MTHFSD: variants seen among roughly 807,000 people sequenced by gnomAD.
MTHFSD encodes methenyltetrahydrofolate synthase domain-containing protein.
A neutral mutation model predicts 31.1 loss-of-function variants in MTHFSD; 37 were observed. That is an observed-to-expected ratio of 1.19 (90% CI 0.91 to 1.56). The LOEUF is 1.56. Among genes scored for constraint, MTHFSD ranks in the 40% most tolerant of loss-of-function variants. MTHFSD has a pLI of 0.00. For synonymous variants in MTHFSD, 221 were observed against 206.9 expected, an observed-to-expected ratio of 1.07 and a Z score of -0.59; for missense variants, 664 against 510.1, an observed-to-expected ratio of 1.30 and a Z score of -2.91.
At chr16:86,539,506 C>T (rs920647027) in intron 7 of MTHFSD, among the ~76,000 whole-genome samples, 27 of 152,208 alleles carry the variant, frequency 1.8e-4, no homozygotes, top group African/African-American at 6.0e-4. Context: ...CTAAGACAAA[C>T]GAGAGGGCTT....
intron 3 of MTHFSD, among the ~76,000 whole-genome samples, chr16:86,549,637 C>A (rs1435398244): frequency 6.6e-6 from 1 of 152,206 alleles, no homozygotes; most frequent in Non-Finnish European, 1.5e-5. Context: ...GGATCTCAGC[C>A]TTTAGTGTGC....
Position 86,531,893 on chromosome 16 carries a change from A to G in MTHFSD, c.*118T>C. Reference sequence around the variant, plus strand: ...TTCTGAGAAGAATTGAGACCCGAGCAGCTCAGGCGGTGGCTCCGACACGTC... The same window carrying G: ...TTCTGAGAAGAATTGAGACCCGAGCGGCTCAGGCGGTGGCTCCGACACGTC... On this transcript the variant is annotated 3_prime_UTR_variant, in exon 8 of 8. Transcript: ENST00000360900. This position sits in a 1 kb window ranked among gnomAD's most constrained non-coding sequence, Gnocchi z 5.5. 1 of 611,520 alleles carries G rather than the reference A, an allele frequency of 1.6e-6. No individual in the cohort carries two copies. Among genetic ancestry groups the G allele is most frequent in the Non-Finnish European group, 2.6e-6 (1 of 390,574 alleles). The allele number at this position is 611,520 out of a possible 1,614,324, so 37.9% of individuals were successfully genotyped here.
At chr16:86,539,549 T>C (rs551618793) in intron 7 of MTHFSD, among the ~76,000 whole-genome samples, 2 of 152,322 alleles carry the variant, frequency 1.3e-5, no homozygotes, top group South Asian at 2.1e-4. Context: ...GATAGAGCTA[T>C]GAAGTGGGAA....
chr16:86,549,874 G>A (rs946733192), intron 3 of MTHFSD, among the ~76,000 whole-genome samples: 1 of 152,260 alleles, frequency 6.6e-6, no homozygotes, highest in Admixed American at 6.5e-5. Flanking sequence ...CACAGGTCTG[G>A]GGTTGGGCCT....
intron 7 of MTHFSD, 65 bp from the exon 8 acceptor site, chr16:86,532,546 A>G (rs1970114327): frequency 2.0e-5 from 26 of 1,271,140 alleles, no homozygotes; most frequent in Non-Finnish European, 1.0e-6. Flanking sequence ...CCACACACGC[A>G]TCCACACCTC....
chr16:86,542,066 G>T lies in MTHFSD; in HGVS notation c.555+35C>A. Reference sequence around the variant, plus strand: ...CCCCCTGCTCCCTCAGAAGAGAATGGCAGTGGCTCTGCTCAGCCCATTCAT... The same window carrying T: ...CCCCCTGCTCCCTCAGAAGAGAATGTCAGTGGCTCTGCTCAGCCCATTCAT... On this transcript the variant is annotated intron_variant, in intron 6 of 7. Coordinates refer to ENST00000360900, the MANE Select transcript of MTHFSD (RefSeq NM_001159377.2). This position sits in a 1 kb window ranked among gnomAD's most constrained non-coding sequence, Gnocchi z 4.6. The T allele has an allele frequency of 1.3e-6, 2 of 1,569,692 alleles. No homozygotes were observed. Among genetic ancestry groups the T allele is most frequent in the Non-Finnish European group, 1.8e-6 (2 of 1,142,302 alleles).
At position 86,542,978 on chromosome 16, in the gene MTHFSD, C is replaced by T. The variant is rs1279914447; in HGVS notation, c.443-765G>A. ...CGAGTGCCACCAGCAGCATCACCCG[C>T]AGAGCACCCGCATCACTGCTGCCGT... On this transcript the variant is annotated intron_variant, in intron 5 of 7. Coordinates refer to ENST00000360900, the MANE Select transcript of MTHFSD (RefSeq NM_001159377.2). This position sits in a 1 kb window ranked among gnomAD's most constrained non-coding sequence, Gnocchi z 4.6. 6.6e-6 allele frequency among the ~76,000 whole-genome samples: 1 copy of T among 152,218 alleles called. No homozygotes were observed. The highest frequency in any genetic ancestry group is 1.9e-4 in the East Asian group (1 of 5,196).
chr16:86,550,814 T>A (rs909054274), intron 3 of MTHFSD, among the ~76,000 whole-genome samples: 1 of 152,226 alleles, frequency 6.6e-6, no homozygotes, highest in African/African-American at 2.4e-5. Context: ...GAAGTCTCTC[T>A]TGGGGCTGAA....
At chr16:86,534,177 T>C (rs930997007) in intron 7 of MTHFSD, among the ~76,000 whole-genome samples, 2 of 152,230 alleles carry the variant, frequency 1.3e-5, no homozygotes, top group African/African-American at 4.8e-5. Context: ...ATATCCACGA[T>C]GCGCTCTTTT....
intron 3 of MTHFSD, among the ~76,000 whole-genome samples, chr16:86,550,458 C>T (rs763736801): frequency 2.0e-5 from 3 of 152,232 alleles, no homozygotes; most frequent in African/African-American, 4.8e-5. Context: ...GGGCTGACAG[C>T]TGAGAACACC....
intron 4 of MTHFSD, among the ~76,000 whole-genome samples, chr16:86,547,878 T>A (rs1474550932): frequency 6.6e-6 from 1 of 152,232 alleles, no homozygotes; most frequent in African/African-American, 2.4e-5. Flanking sequence ...GAGTTTACCT[T>A]AAGATTCTTA....
At chr16:86,532,537 C>G in intron 7 of MTHFSD, 56 bp from the exon 8 acceptor site, 1 of 1,297,464 alleles carries the variant, frequency 7.7e-7, no homozygotes, top group Non-Finnish European at 1.0e-6. Context: ...GGGCACCTGC[C>G]ACACACGCAT....
At chr16:86,546,998 T>G (rs1331133873) in intron 4 of MTHFSD, 1 of 308,800 alleles carries the variant, frequency 3.2e-6, no homozygotes, top group Admixed American at 5.3e-5. Context: ...TCAGAGCCTC[T>G]GAGCCACAGG....
intron 5 of MTHFSD, 131 bp downstream of exon 5, chr16:86,546,428 G>A (rs1232600583): frequency 2.3e-5 from 18 of 772,614 alleles, no homozygotes; most frequent in South Asian, 3.1e-5. Context: ...AAAATGCAGC[G>A]GCTTCGGAGA....
rs555087275 is a variant in MTHFSD at position 86,554,676 on chromosome 16, C to G, written c.92G>C (p.Arg31Pro). The G allele has an allele frequency of 1.5e-5, 25 of 1,614,108 alleles. No homozygotes were observed. The Admixed American group carries it at 1.7e-4, about 11-fold the overall frequency. ...GTTGGGTATCCTGTGATGAACAGGT[C>G]GGGGAAAGTCAGCTAAATTTTGTGA... ...MESQNLADFPRPVHHRIPNFK... is the reference protein window; with the variant it reads ...MESQNLADFPPPVHHRIPNFK... The change falls in exon 2 of 8, where the codon CGA becomes CCA. Residue 31 changes from arginine (R) to proline (P), a missense_variant. By Grantham distance (103) the Arg-to-Pro change is moderately radical. Coordinates refer to ENST00000360900, the MANE Select transcript of MTHFSD (RefSeq NM_001159377.2).
chr16:86,548,566 T>C lies in MTHFSD; in HGVS notation c.249A>G (p.Thr83=). The change falls in exon 4 of 8, where the codon ACA becomes ACG. Residue 83 remains threonine (T), a synonymous_variant. Coordinates refer to ENST00000360900, the MANE Select transcript of MTHFSD (RefSeq NM_001159377.2). The part of the protein sequence containing the change: ...VRLLVLQSKK[T]LLVPTPRLRT... ...TCAGTCGTGGTGTTGGAACCAACAATGTTTTTTTGCTCTTTTAAAGAAAAG... is the reference window on the plus strand; with the variant it reads ...TCAGTCGTGGTGTTGGAACCAACAACGTTTTTTTGCTCTTTTAAAGAAAAG... 1.2e-6 allele frequency: 2 copies of C among 1,610,086 alleles called. No individual in the cohort carries two copies. Among genetic ancestry groups the C allele is most frequent in the Non-Finnish European group, 1.7e-6 (2 of 1,178,852 alleles).
chr16:86,552,139 T>C lies in MTHFSD; in HGVS notation c.131A>G (p.Tyr44Cys). 6.2e-7 allele frequency: 1 copy of C among 1,614,176 alleles called. No individual in the cohort carries two copies. Among genetic ancestry groups the C allele is most frequent in the East Asian group, 2.2e-5 (1 of 44,886 alleles). The change falls in exon 3 of 8, where the codon TAT (tyrosine) becomes TGT (cysteine). Residue 44 changes from tyrosine (Y) to cysteine (C), a missense_variant. By Grantham distance (194) the Tyr-to-Cys change is radical. Transcript: ENST00000360900. ...GTCTTTGATGTTTTGGCAAGCCAGATAAGACCCCTAGTTAGGCAAATAGAC... is the reference window on the plus strand; with the variant it reads ...GTCTTTGATGTTTTGGCAAGCCAGACAAGACCCCTAGTTAGGCAAATAGAC... ...HHRIPNFKGS[Y>C]LACQNIKDLD...
intron 7 of MTHFSD, among the ~76,000 whole-genome samples, chr16:86,536,072 C>T (rs1427113302): frequency 3.9e-5 from 6 of 152,222 alleles, no homozygotes; most frequent in Non-Finnish European, 7.3e-5. Flanking sequence ...TCAGGCTGGT[C>T]TTGAACTCCT....
Position 86,543,313 on chromosome 16 carries a change from G to A in MTHFSD, c.443-1100C>T, listed in dbSNP as rs898282186. On this transcript the variant is annotated intron_variant, in intron 5 of 7. Coordinates refer to ENST00000360900, the MANE Select transcript of MTHFSD (RefSeq NM_001159377.2). ...GGCACCACTGTTGAGGGCCGAAAGT[G>A]AGCGGCCCTTCTGGTGGCAACATCA... Among the ~76,000 whole-genome samples the A allele has an allele frequency of 9.2e-5, 14 of 152,264 alleles. No individual in the cohort carries two copies. The East Asian group carries it at 2.5e-3, about 27-fold the overall frequency.
Sources: allele counts gnomAD v4.1 joint callset (sites outside exome capture counted in the v4.1 genomes callset), GRCh38; gene constraint gnomAD v4.1.1; non-coding constraint Gnocchi (gnomAD v3.1); transcripts MANE v1.5; gene names NCBI Gene and HGNC (gene_info 2026-07-23, HGNC 2026-07-21).